Variants in LGR4 observed in about 807,000 individuals in gnomAD.
LGR4 encodes the protein leucine-rich repeat-containing G protein-coupled receptor 4.
In LGR4, 44 loss-of-function variants were observed where a neutral mutation model predicts 84.8. The observed-to-expected ratio is 0.52, with a 90% confidence interval of 0.41 to 0.67. LGR4 has a LOEUF of 0.67. Ranked by LOEUF, LGR4 falls within the 30% of genes least tolerant of loss-of-function variation. The pLI, the probability that LGR4 is intolerant of heterozygous loss-of-function variation, is 0.00. For synonymous variants in LGR4, 429 were observed against 434.3 expected (o/e 0.99, Z 0.15); for missense variants, 1,032 against 1,131.4 (o/e 0.91, Z 1.26).
intron 1 of LGR4, among the ~76,000 whole-genome samples, chr11:27,444,567 A>G (rs985095057): frequency 5.9e-5 from 9 of 152,172 alleles, no homozygotes; most frequent in African/African-American, 2.2e-4. Context: ...CAATTAAACA[A>G]TCTCTATAAG....
At chr11:27,400,540 T>C (rs1330569241) in intron 2 of LGR4, among the ~76,000 whole-genome samples, 2 of 151,870 alleles carry the variant, frequency 1.3e-5, no homozygotes, top group African/African-American at 4.8e-5. Context: ...TCTCACTCTG[T>C]CGCCCAGGCT....
At chr11:27,376,510 G>T (rs1862985218) in intron 12 of LGR4, 140 bp from the exon 13 acceptor site, 3 of 474,572 alleles carry the variant, frequency 6.3e-6, no homozygotes, top group Non-Finnish European at 1.1e-5. Context: ...TTTCTTAGTT[G>T]AGTTTTTTCT....
chr11:27,413,645 G>A (rs1028690161), intron 1 of LGR4, among the ~76,000 whole-genome samples: 1 of 152,196 alleles, frequency 6.6e-6, no homozygotes, highest in African/African-American at 2.4e-5. Flanking sequence ...ATGCGCTGGG[G>A]CAGTGGAGTT....
chr11:27,416,853 C>T (rs1863829143), intron 1 of LGR4, among the ~76,000 whole-genome samples: 1 of 152,146 alleles, frequency 6.6e-6, no homozygotes, highest in Non-Finnish European at 1.5e-5. Context: ...AGTGGTTAAA[C>T]TCTCATCGTC....
intron 1 of LGR4, among the ~76,000 whole-genome samples, chr11:27,437,970 C>T (rs1003613058): frequency 1.3e-5 from 2 of 151,912 alleles, no homozygotes; most frequent in African/African-American, 2.4e-5. Flanking sequence ...GAGCTATGAT[C>T]GCTCCAGTGC....
intron 1 of LGR4, among the ~76,000 whole-genome samples, chr11:27,453,759 T>C (rs2133447185): frequency 6.6e-6 from 1 of 152,344 alleles, no homozygotes; most frequent in Non-Finnish European, 1.5e-5. Flanking sequence ...GTAATTATTA[T>C]TTTAAAGTTG....
At chr11:27,455,184 G>A (rs1304487577) in intron 1 of LGR4, among the ~76,000 whole-genome samples, 2 of 152,104 alleles carry the variant, frequency 1.3e-5, no homozygotes, top group South Asian at 2.1e-4. Flanking sequence ...CTACAAGTGT[G>A]TGCCACCACG....
chr11:27,388,484 AT>A (rs1387505939), intron 4 of LGR4, among the ~76,000 whole-genome samples: 6 of 152,146 alleles, frequency 3.9e-5, no homozygotes, highest in African/African-American at 1.4e-4. Context: ...AGATTAAACT[AT>A]TGCTTTGTTA....
intron 7 of LGR4, among the ~76,000 whole-genome samples, chr11:27,381,649 C>T (rs2472621): frequency 0.32 from 48,528 of 151,826 alleles, 7,923 homozygotes; most frequent in South Asian, 0.43. Context: ...GCCACTGCAC[C>T]GTGACACTCC....
chr11:27,450,881 T>C (rs1284832062), intron 1 of LGR4, among the ~76,000 whole-genome samples: 1 of 152,140 alleles, frequency 6.6e-6, no homozygotes, highest in Non-Finnish European at 1.5e-5. Context: ...AAAACAACCA[T>C]TTCTTTGCCA....
At chr11:27,468,741 C>T (rs180977940) in intron 1 of LGR4, among the ~76,000 whole-genome samples, 1 of 151,642 alleles carries the variant, frequency 6.6e-6, no homozygotes, top group Non-Finnish European at 1.5e-5. Flanking sequence ...CAAGGCCATT[C>T]AATTACTCAG....
chr11:27,377,714 A>G (rs1018978885), intron 11 of LGR4, among the ~76,000 whole-genome samples: 4 of 152,102 alleles, frequency 2.6e-5, no homozygotes, highest in Admixed American at 6.6e-5. Context: ...AAAAACAGTT[A>G]TATTACATCA....
At chr11:27,440,746 A>G (rs190654084) in intron 1 of LGR4, among the ~76,000 whole-genome samples, 19 of 152,300 alleles carry the variant, frequency 1.2e-4, no homozygotes, top group African/African-American at 4.1e-4. Flanking sequence ...AGTATCTCAC[A>G]TATCTAGAAC....
rs1409693872 is a variant in LGR4 at position 27,367,869 on chromosome 11, A to C, written c.2854T>G (p.Ter952GlyextTer17). Residue 952 changes from the stop codon to glycine, a stop_lost, in exon 18 of 18, where the codon TGA (stop) becomes GGA (glycine). Coordinates refer to ENST00000379214, the MANE Select transcript of LGR4 (RefSeq NM_018490.5). ...GAAACGGTTACACACACAGTAGTTC[A>C]GTCTTTAACTCTTGGTAGATTGTAA... ...YAYNLPRVKD[*>G] is the part of the protein sequence containing the mutation. 1.3e-6 allele frequency: 2 copies of C among 1,579,938 alleles called. No homozygotes were observed. Among genetic ancestry groups the C allele is most frequent in the Non-Finnish European group, 1.7e-6 (2 of 1,168,118 alleles).
At chr11:27,403,087 AG>A (rs1214725754) in intron 2 of LGR4, among the ~76,000 whole-genome samples, 1 of 152,240 alleles carries the variant, frequency 6.6e-6, no homozygotes, top group Non-Finnish European at 1.5e-5. Context: ...GTAAGAATTT[AG>A]GAAAAGAGCT....
At chr11:27,381,656 C>T (rs1186629667) in intron 7 of LGR4, among the ~76,000 whole-genome samples, 2 of 152,000 alleles carry the variant, frequency 1.3e-5, no homozygotes, top group African/African-American at 4.8e-5. Flanking sequence ...CACCGTGACA[C>T]TCCAGCCTGG....
At chr11:27,443,819 C>T (rs1164517415) in intron 1 of LGR4, among the ~76,000 whole-genome samples, 1 of 152,196 alleles carries the variant, frequency 6.6e-6, no homozygotes, top group East Asian at 1.9e-4. Context: ...CAGTTAAATC[C>T]AACAGCAGCT....
intron 2 of LGR4, among the ~76,000 whole-genome samples, chr11:27,408,539 C>T (rs148097191): frequency 2.3e-3 from 356 of 152,200 alleles, no homozygotes; most frequent in Non-Finnish European, 4.1e-3. Flanking sequence ...GTTCCTAACT[C>T]CAACATTTTC....
intron 10 of LGR4, 132 bp from the exon 11 acceptor site, chr11:27,378,900 C>A: frequency 3.2e-6 from 2 of 630,358 alleles, no homozygotes; most frequent in Non-Finnish European, 5.5e-6. Context: ...CCTAATTATT[C>A]CATAAAGTTA....
Sources: gnomAD v4.1 joint callset for allele counts (sites outside exome capture counted in the v4.1 genomes callset) on GRCh38, gnomAD v4.1.1 for gene constraint, MANE v1.5 for transcripts, NCBI Gene and HGNC (gene_info 2026-07-23, HGNC 2026-07-21) for gene names.